TCF12: variants seen among roughly 807,000 people sequenced by gnomAD.
The protein encoded by TCF12 is DNA-binding protein HTF4.
A neutral mutation model predicts 86.0 loss-of-function variants in TCF12; 45 were observed. The observed-to-expected ratio is 0.52, with a 90% CI of 0.41 to 0.67. The LOEUF (loss-of-function observed/expected upper bound fraction) is 0.67, where lower values mean the gene tolerates loss of function less well. TCF12 is among the 30% of genes least tolerant of loss of function. The probability of loss-of-function intolerance (pLI) is 0.00; values close to 1 mark genes in which losing one functional copy is unlikely to be tolerated. For missense variants in TCF12, 881 were observed against 859.9 expected (o/e 1.02, Z -0.31); for synonymous variants, 330 against 299.6 (o/e 1.10, Z -1.05).
chr15:56,925,958 A>G (rs989488818), intron 3 of TCF12, among the ~76,000 whole-genome samples: 5 of 152,348 alleles, frequency 3.3e-5, no homozygotes, highest in East Asian at 1.9e-4. Flanking sequence ...GTATTTACCT[A>G]TGCATTCTTC....
At chr15:57,018,332 A>T (rs2065271500) in intron 3 of TCF12, among the ~76,000 whole-genome samples, 1 of 152,244 alleles carries the variant, frequency 6.6e-6, no homozygotes, top group Non-Finnish European at 1.5e-5. Context: ...GTGTGGCATT[A>T]GGTTAATTTA....
At chr15:57,042,122 T>C (rs989416960) in intron 3 of TCF12, among the ~76,000 whole-genome samples, 1 of 151,998 alleles carries the variant, frequency 6.6e-6, no homozygotes, top group African/African-American at 2.4e-5. Context: ...TTTTTCAATT[T>C]TTATTGTTTT....
chr15:57,112,447 A>G (rs2050556822), intron 5 of TCF12, among the ~76,000 whole-genome samples: 1 of 152,158 alleles, frequency 6.6e-6, no homozygotes, highest in Non-Finnish European at 1.5e-5. Context: ...ACTGTGACCG[A>G]TTGTGCCTGG....
chr15:57,189,793 G>A (rs867967375), intron 6 of TCF12, among the ~76,000 whole-genome samples: 5 of 151,728 alleles, frequency 3.3e-5, no homozygotes, highest in African/African-American at 7.2e-5. Flanking sequence ...AATATACATA[G>A]CAGTACTATT....
chr15:57,116,663 A>G (rs1249991176), intron 5 of TCF12, among the ~76,000 whole-genome samples: 1 of 152,148 alleles, frequency 6.6e-6, no homozygotes, highest in Non-Finnish European at 1.5e-5. Context: ...ATTATTATGT[A>G]GTATTTTCTA....
chr15:57,170,699 ATATATAATATATAATATATATAT>A (rs1426998098), intron 6 of TCF12, among the ~76,000 whole-genome samples: 289 of 5,960 alleles, frequency 0.048, 18 homozygotes, highest in African/African-American at 0.11. Context: ...AATATATATT[ATATATAATATATAATATATATAT>A]TATATATTAT....
At chr15:57,056,350 C>G (rs1382448645) in intron 3 of TCF12, among the ~76,000 whole-genome samples, 1 of 152,126 alleles carries the variant, frequency 6.6e-6, no homozygotes, top group Non-Finnish European at 1.5e-5. Flanking sequence ...GCATGTTGGT[C>G]AATCTGGTCT....
intron 3 of TCF12, among the ~76,000 whole-genome samples, chr15:57,056,586 C>G (rs914828202): frequency 1.3e-5 from 2 of 152,082 alleles, no homozygotes; most frequent in Admixed American, 1.3e-4. Flanking sequence ...TAACCTCCCA[C>G]GTAGCTGGGA....
chr15:57,113,059 CTAGGCTCCTTAGTATGGCACTTGAAGA>C (rs1246328113), intron 5 of TCF12, among the ~76,000 whole-genome samples: 2 of 152,226 alleles, frequency 1.3e-5, no homozygotes, highest in Non-Finnish European at 2.9e-5. Flanking sequence ...GATAAAGCCT[CTAGGCTCCTTAGTATGGCACTTGAAGA>C]TCTTCATTTT....
chr15:57,248,678 C>T (rs570760528), intron 13 of TCF12, among the ~76,000 whole-genome samples: 1 of 152,334 alleles, frequency 6.6e-6, no homozygotes, highest in South Asian at 2.1e-4. Flanking sequence ...CTTCAGCATG[C>T]TTTAACAAAG....
chr15:57,051,795 A>G (rs2067639907), intron 3 of TCF12, among the ~76,000 whole-genome samples: 1 of 152,110 alleles, frequency 6.6e-6, no homozygotes, highest in Non-Finnish European at 1.5e-5. Context: ...TAAGTCTTTA[A>G]TCCATTTTCA....
intron 12 of TCF12, among the ~76,000 whole-genome samples, chr15:57,236,121 T>A (rs2059370443): frequency 6.6e-6 from 1 of 152,186 alleles, no homozygotes; most frequent in Non-Finnish European, 1.5e-5. Context: ...ATCATTTCTG[T>A]CATAGCTGAC....
intron 3 of TCF12, among the ~76,000 whole-genome samples, chr15:57,055,164 G>T (rs1048910544): frequency 5.9e-5 from 9 of 152,050 alleles, no homozygotes; most frequent in African/African-American, 2.2e-4. Context: ...ACTTTGGGAG[G>T]CCGAAGCAGG....
chr15:56,945,729 A>C (rs1384468914), intron 3 of TCF12, among the ~76,000 whole-genome samples: 1 of 152,180 alleles, frequency 6.6e-6, no homozygotes, highest in Non-Finnish European at 1.5e-5. Context: ...CAAAGCTCAC[A>C]TTGAAATTTA....
intron 4 of TCF12, chr15:57,072,606 A>G (rs183388079): frequency 3.2e-6 from 4 of 1,234,174 alleles, no homozygotes; most frequent in Middle Eastern, 2.2e-4. Flanking sequence ...AGTAATTAGA[A>G]AGGACACACG....
intron 5 of TCF12, among the ~76,000 whole-genome samples, chr15:57,125,832 T>C (rs538059349): frequency 1.0e-3 from 158 of 152,334 alleles, no homozygotes; most frequent in Non-Finnish European, 1.9e-3. Flanking sequence ...TCTTCACATA[T>C]AGAAAACTAA....
At chr15:57,001,771 G>A (rs1392379699) in intron 3 of TCF12, among the ~76,000 whole-genome samples, 2 of 151,930 alleles carry the variant, frequency 1.3e-5, no homozygotes, top group Middle Eastern at 3.2e-3. Flanking sequence ...ACATATTTTC[G>A]AGTGACTGGT....
chr15:57,219,661 T>C (rs998198601), intron 8 of TCF12: 9 of 1,436,866 alleles, frequency 6.3e-6, no homozygotes, highest in Non-Finnish European at 7.7e-6. Context: ...ACTCGCTTTT[T>C]ACTAAAATCT....
intron 3 of TCF12, among the ~76,000 whole-genome samples, chr15:56,973,613 GAT>G (rs1333085190): frequency 6.6e-6 from 1 of 152,118 alleles, no homozygotes. Flanking sequence ...GGTAATAAGT[GAT>G]TCATGCATTG....
Sources: allele counts gnomAD v4.1 joint callset (sites outside exome capture counted in the v4.1 genomes callset), GRCh38; gene constraint gnomAD v4.1.1; transcripts MANE v1.5; gene names NCBI Gene and HGNC (gene_info 2026-07-23, HGNC 2026-07-21).